Variants in DNMT1 observed in about 807,000 individuals in gnomAD.
DNMT1 encodes the protein DNA (cytosine-5)-methyltransferase 1.
DNMT1 carries 24 observed loss-of-function variants against 205.3 expected under a neutral mutation model. The ratio of observed to expected loss-of-function variants is 0.12; its 90% CI spans 0.08 to 0.16. The LOEUF (loss-of-function observed/expected upper bound fraction) is 0.16. Ranked by LOEUF, DNMT1 falls within the 10% of genes least tolerant of loss-of-function variation. The pLI is 1.00. For missense variants in DNMT1, 1,293 were observed against 2,177.7 expected (o/e 0.59, Z 8.09); for synonymous variants, 817 against 839.8 (o/e 0.97, Z 0.47).
chr19:10,194,361 C>T (rs907979975), intron 1 of DNMT1, among the ~76,000 whole-genome samples: 1 of 152,056 alleles, frequency 6.6e-6, no homozygotes, highest in Non-Finnish European at 1.5e-5. Flanking sequence ...ACTGAGGGAC[C>T]CCCCACCACA....
chr19:10,167,069 C>T (rs2038711373), intron 10 of DNMT1, among the ~76,000 whole-genome samples: 1 of 152,196 alleles, frequency 6.6e-6, no homozygotes, highest in South Asian at 2.1e-4. Flanking sequence ...GCTGACTGCA[C>T]ACAGGGGTCC....
At chr19:10,183,124 T>TACACACAC (rs1178953339) in intron 1 of DNMT1, among the ~76,000 whole-genome samples, 3 of 120,422 alleles carry the variant, frequency 2.5e-5, no homozygotes, top group African/African-American at 9.6e-5. Context: ...TATATATATA[T>TACACACAC]ATTTTTTTTT....
chr19:10,149,436 G>A lies in DNMT1; in HGVS notation c.2586+17C>T, dbSNP rs2038287731. 1.2e-6 allele frequency: 2 copies of A among 1,613,870 alleles called. No individual in the cohort carries two copies. The highest frequency in any genetic ancestry group is 8.5e-7 in the Non-Finnish European group (1 of 1,179,926). ...CCACGATAAGGCAGGGGCTCACGAG[G>A]GACACCAGGCACTCACCTCCATGGC... On this transcript the variant is annotated intron_variant, in intron 26 of 40. Coordinates refer to ENST00000359526, the MANE Select transcript of DNMT1 (RefSeq NM_001130823.3).
chr19:10,166,548 C>G, intron 11 of DNMT1, 50 bp downstream of exon 11: 1 of 1,611,160 alleles, frequency 6.2e-7, no homozygotes, highest in East Asian at 2.2e-5. Flanking sequence ...CCCAAGCAAA[C>G]AGGAGCAGAA....
At position 10,138,646 on chromosome 19, in the gene DNMT1, C is replaced by T. The variant is rs750857551; in HGVS notation, c.3949-41G>A. On this transcript the variant is annotated intron_variant, in intron 34 of 40. Transcript: ENST00000359526. The surrounding 1 kb of genome is among the most constrained non-coding windows in gnomAD (Gnocchi z 4.1). ...ACGGACAACCCCACCGTCAGTGGGA[C>T]ACTCCCAACTGGACTGGCCAGACCC... 3.8e-6 allele frequency: 6 copies of T among 1,587,954 alleles called. No individual in the cohort carries two copies. The highest frequency in any genetic ancestry group is 1.3e-5 in the African/African-American group (1 of 74,750).
chr19:10,138,991 G>C lies in DNMT1; in HGVS notation c.3949-386C>G, dbSNP rs1437554334. 6.6e-6 allele frequency among the ~76,000 whole-genome samples: 1 copy of C among 152,224 alleles called. No individual in the cohort carries two copies. The highest frequency in any genetic ancestry group is 1.5e-5 in the Non-Finnish European group (1 of 68,036). The stretch of plus-strand genomic sequence containing the variant: ...AACGTGGCTGCAACAAGTCTTGTCT[G>C]GTGAGCCTGAGTCGCCCTGAGGCTG... On this transcript the variant is annotated intron_variant, in intron 34 of 40. Transcript: ENST00000359526. The surrounding 1 kb of genome is among the most constrained non-coding windows in gnomAD (Gnocchi z 4.1).
chr19:10,137,688 G>A lies in DNMT1; in HGVS notation c.4293+144C>T, dbSNP rs1394088817. 2 of 1,150,376 alleles carry A rather than the reference G, an allele frequency of 1.7e-6. No individual in the cohort carries two copies. The highest frequency in any genetic ancestry group is 2.5e-5 in the East Asian group (1 of 39,246). 71.3% of individuals were successfully genotyped at this position (1,150,376 alleles called of 1,614,324 possible). On this transcript the variant is annotated intron_variant, in intron 36 of 40. Transcript: ENST00000359526. The surrounding 1 kb of genome is among the most constrained non-coding windows in gnomAD (Gnocchi z 6.4). ...TCCCATGACCATGCAAGAGAGACCA[G>A]GGGTCACACAAAGGCTGAGGACTCG...
In DNMT1 at chr19:10,149,053, G is replaced by T. The variant is rs750492150; in HGVS notation, c.2587-36C>A. ...AAGAATGCGTGTCAGGCCAGGCGCAGTGGCTCATGCCTGTATTCCCAGCAC... is the reference window on the plus strand; with the variant it reads ...AAGAATGCGTGTCAGGCCAGGCGCATTGGCTCATGCCTGTATTCCCAGCAC... On this transcript the variant is annotated intron_variant, in intron 26 of 40. Coordinates refer to ENST00000359526, the MANE Select transcript of DNMT1 (RefSeq NM_001130823.3). 3.7e-6 allele frequency: 6 copies of T among 1,612,114 alleles called. No individual in the cohort carries two copies. In the South Asian group the frequency reaches 6.6e-5, roughly 18 times the overall value.
Position 10,137,468 on chromosome 19 carries a change from G to A in DNMT1, c.4294-188C>T, listed in dbSNP as rs2089510312. ...GGCAGGGACCTGAGGCAGCGCAGGTGTAGGAGAGCGTGGGAATCTAAGCTG... is the reference window on the plus strand; with the variant it reads ...GGCAGGGACCTGAGGCAGCGCAGGTATAGGAGAGCGTGGGAATCTAAGCTG... On this transcript the variant is annotated intron_variant, in intron 36 of 40. Transcript: ENST00000359526. This position sits in a 1 kb window ranked among gnomAD's most constrained non-coding sequence, Gnocchi z 6.4. 3 of 709,580 alleles carry A rather than the reference G, an allele frequency of 4.2e-6. No homozygotes were observed. The highest frequency in any genetic ancestry group is 5.4e-5 in the East Asian group (2 of 36,996). 44.0% of individuals were successfully genotyped at this position (709,580 alleles called of 1,614,324 possible).
At chr19:10,167,889 C>T (rs1354208205) in intron 10 of DNMT1, among the ~76,000 whole-genome samples, 1 of 151,930 alleles carries the variant, frequency 6.6e-6, no homozygotes, top group East Asian at 1.9e-4. Context: ...CTTTGGGAGG[C>T]GAGGCAGGTG....
At chr19:10,157,109 A>AG (rs2038472862) in intron 17 of DNMT1, among the ~76,000 whole-genome samples, 2 of 152,316 alleles carry the variant, frequency 1.3e-5, no homozygotes, top group African/African-American at 4.8e-5. Flanking sequence ...TGCAGCCACT[A>AG]GCTCTATTCA....
chr19:10,154,547 G>C lies in DNMT1; in HGVS notation c.1832+39C>G. On this transcript the variant is annotated intron_variant, in intron 21 of 40. Coordinates refer to ENST00000359526, the MANE Select transcript of DNMT1 (RefSeq NM_001130823.3). This position sits in a 1 kb window ranked among gnomAD's most constrained non-coding sequence, Gnocchi z 6.3. ...ATGTGGGCCATGCTCTACCCTCCCCGGTCTCCAGTCTTCACTCTGGTCCCT... is the reference window on the plus strand; with the variant it reads ...ATGTGGGCCATGCTCTACCCTCCCCCGTCTCCAGTCTTCACTCTGGTCCCT... 6.2e-7 allele frequency: 1 copy of C among 1,613,680 alleles called. No homozygotes were observed. Among genetic ancestry groups the C allele is most frequent in the East Asian group, 2.2e-5 (1 of 44,856 alleles).
In DNMT1 at chr19:10,156,274, C is replaced by G; in HGVS notation, c.1399+117G>C. 2.7e-5 allele frequency: 22 copies of G among 828,574 alleles called. No homozygotes were observed. In the South Asian group the frequency reaches 3.0e-4, roughly 11 times the overall value. 51.3% of individuals were successfully genotyped at this position (828,574 alleles called of 1,614,324 possible). A position where few individuals can be genotyped will look rare whatever the true frequency, so the allele number is the denominator to read the frequency against. On this transcript the variant is annotated intron_variant, in intron 18 of 40. Transcript: ENST00000359526. This position sits in a 1 kb window ranked among gnomAD's most constrained non-coding sequence, Gnocchi z 4.2. ...GTTGTCCAGGCTCGTCTCAAACTCC[C>G]GGGCTCAAGTGATCCTCTGGCCTCA...
chr19:10,162,562 G>A lies in DNMT1; in HGVS notation c.1008+105C>T, dbSNP rs181501039. On this transcript the variant is annotated intron_variant, in intron 13 of 40. Transcript: ENST00000359526. ...TGGGATTACAGGCGTGCGCCACCAC[G>A]CCCAGTCTTCTTTTTCCTAAGACCA... 2.3e-4 allele frequency: 280 copies of A among 1,225,776 alleles called. 1 individual carries two copies. The African/African-American group carries it at 3.2e-3, about 14-fold the overall frequency. The allele number at this position is 1,225,776 out of a possible 1,614,324, so 75.9% of individuals were successfully genotyped here. A position where few individuals can be genotyped will look rare whatever the true frequency, so the allele number is the denominator to read the frequency against.
chr19:10,177,623 T>G (rs2038960426), intron 5 of DNMT1, among the ~76,000 whole-genome samples: 1 of 152,100 alleles, frequency 6.6e-6, no homozygotes, highest in South Asian at 2.1e-4. Flanking sequence ...ACAGAGCCTC[T>G]TGTTAAAATA....
At chr19:10,162,947 C>T (rs368256873) in intron 12 of DNMT1, 199 bp from the exon 13 acceptor site, 3 of 610,828 alleles carry the variant, frequency 4.9e-6, no homozygotes, top group Non-Finnish European at 2.9e-6. Flanking sequence ...TACATCACCA[C>T]AGGTTTCTAG....
chr19:10,161,415 C>G (rs1471134222), intron 13 of DNMT1, among the ~76,000 whole-genome samples: 2 of 152,162 alleles, frequency 1.3e-5, no homozygotes, highest in Non-Finnish European at 2.9e-5. Context: ...TGAAGAAGCC[C>G]AGGTGGGAGG....
Position 10,194,889 on chromosome 19 carries a change from C to T in DNMT1, c.11G>A (p.Arg4His). The T allele has an allele frequency of 1.9e-6, 3 of 1,609,198 alleles. No homozygotes were observed. In the South Asian group the frequency reaches 3.3e-5, roughly 18 times the overall value. ...TGTGGGCACCCGGGCTGGGGCGGTACGCGCCGGCATCTCGGAGGCTTCAGC... is the reference window on the plus strand; with the variant it reads ...TGTGGGCACCCGGGCTGGGGCGGTATGCGCCGGCATCTCGGAGGCTTCAGC... MPA[R>H]TAPARVPTLA... Residue 4 changes from arginine to histidine, a missense_variant, in exon 1 of 41, where the codon CGT (arginine) becomes CAT (histidine). This residue lies in a region of DNMT1 where 394 missense variants were observed against 451.6 expected (regional missense o/e 0.87). Coordinates refer to ENST00000359526, the MANE Select transcript of DNMT1 (RefSeq NM_001130823.3).
chr19:10,193,552 T>C (rs1375088890), intron 1 of DNMT1, among the ~76,000 whole-genome samples: 1 of 150,842 alleles, frequency 6.6e-6, no homozygotes, highest in Non-Finnish European at 1.5e-5. Flanking sequence ...TTAGTAGACA[T>C]GGGGTTTTGC....
Sources: allele counts gnomAD v4.1 joint callset (sites outside exome capture counted in the v4.1 genomes callset), GRCh38; gene constraint gnomAD v4.1.1; regional missense constraint gnomAD v4.1.1; non-coding constraint Gnocchi (gnomAD v3.1); transcripts MANE v1.5; gene names NCBI Gene and HGNC (gene_info 2026-07-23, HGNC 2026-07-21).